CNTLN: variants seen among roughly 807,000 people sequenced by gnomAD.
CNTLN encodes centlein, also known as centlein, centrosomal protein.
CNTLN carries 212 observed loss-of-function variants against 180.0 expected under a neutral mutation model. That is an observed-to-expected ratio of 1.18 (90% CI 1.05 to 1.32). CNTLN has a LOEUF of 1.32. Ranked by LOEUF, CNTLN falls within the 40% of genes most tolerant of loss-of-function variation. CNTLN has a pLI of 0.00. For missense variants in CNTLN, 2,095 were observed against 1,610.9 expected, an observed-to-expected ratio of 1.30 and a Z score of -5.14; for synonymous variants, 722 against 563.1, an observed-to-expected ratio of 1.28 and a Z score of -3.99.
At chr9:17,374,414 TATC>T (rs1824582905) in intron 13 of CNTLN, among the ~76,000 whole-genome samples, 1 of 152,102 alleles carries the variant, frequency 6.6e-6, no homozygotes, top group Non-Finnish European at 1.5e-5. Context: ...TAAAATGAAA[TATC>T]ATCTCATCCC....
At chr9:17,193,143 GAGT>G (rs1233810901) in intron 2 of CNTLN, among the ~76,000 whole-genome samples, 4 of 152,052 alleles carry the variant, frequency 2.6e-5, no homozygotes. Context: ...GGAATTATGG[GAGT>G]ACAATTCAAG....
intron 16 of CNTLN, among the ~76,000 whole-genome samples, chr9:17,413,898 A>T (rs1199284184): frequency 6.6e-6 from 1 of 152,196 alleles, no homozygotes; most frequent in Admixed American, 6.5e-5. Context: ...TTACCAAAAA[A>T]ACTTGTACAT....
chr9:17,444,722 A>G (rs1413401278), intron 18 of CNTLN, among the ~76,000 whole-genome samples: 1 of 152,178 alleles, frequency 6.6e-6, no homozygotes, highest in East Asian at 1.9e-4. Flanking sequence ...AGAGTCAGGT[A>G]TTTATTTGAC....
chr9:17,336,582 C>G (rs1292875010), intron 10 of CNTLN, among the ~76,000 whole-genome samples: 1 of 152,028 alleles, frequency 6.6e-6, no homozygotes, highest in Non-Finnish European at 1.5e-5. Flanking sequence ...CAAATAATAG[C>G]TAGTTGAATT....
chr9:17,252,839 C>T (rs1238376255), intron 5 of CNTLN, among the ~76,000 whole-genome samples: 1 of 151,572 alleles, frequency 6.6e-6, no homozygotes, highest in Non-Finnish European at 1.5e-5. Context: ...AAATCTTTGC[C>T]TAGACCAATG....
At chr9:17,428,303 A>G (rs1829215522) in intron 18 of CNTLN, among the ~76,000 whole-genome samples, 1 of 152,164 alleles carries the variant, frequency 6.6e-6, no homozygotes, top group Non-Finnish European at 1.5e-5. Context: ...TATGATAATA[A>G]TAATAGTGAG....
At chr9:17,421,698 A>G (rs905894276) in intron 18 of CNTLN, among the ~76,000 whole-genome samples, 1 of 151,944 alleles carries the variant, frequency 6.6e-6, no homozygotes, top group African/African-American at 2.4e-5. Context: ...AGTAGTTTTT[A>G]ATTTCATGCT....
At chr9:17,165,710 A>G (rs1399161667) in intron 2 of CNTLN, among the ~76,000 whole-genome samples, 2 of 152,250 alleles carry the variant, frequency 1.3e-5, no homozygotes, top group Non-Finnish European at 2.9e-5. Flanking sequence ...AGGATTAGCT[A>G]TTATGAAAAC....
At chr9:17,203,648 C>T (rs1822706880) in intron 2 of CNTLN, among the ~76,000 whole-genome samples, 3 of 152,162 alleles carry the variant, frequency 2.0e-5, no homozygotes, top group African/African-American at 7.2e-5. Context: ...GCTCCACCTC[C>T]CGTGTTCACG....
chr9:17,202,652 T>TTG (rs1298685901), intron 2 of CNTLN, among the ~76,000 whole-genome samples: 1 of 106,404 alleles, frequency 9.4e-6, no homozygotes, highest in African/African-American at 4.3e-5. Context: ...CTCTGTTTTT[T>TTG]TTTTTTTTTT....
intron 19 of CNTLN, among the ~76,000 whole-genome samples, chr9:17,458,572 A>G (rs1300993874): frequency 6.6e-6 from 1 of 151,946 alleles, no homozygotes; most frequent in African/African-American, 2.4e-5. Context: ...GAATTGTCAA[A>G]TAGACTCATC....
Position 17,166,438 on chromosome 9 carries a change from T to C in CNTLN, c.449+23062T>C, listed in dbSNP as rs116147490. Among the ~76,000 whole-genome samples, 754 of 152,216 alleles carry C rather than the reference T, an allele frequency of 5.0e-3. 7 individuals carry two copies. Among genetic ancestry groups the C allele is most frequent in the African/African-American group, 0.017 (724 of 41,540 alleles). On this transcript the variant is annotated intron_variant, in intron 2 of 25. Coordinates refer to ENST00000380647, the MANE Select transcript of CNTLN (RefSeq NM_017738.4). ...AGCAGAGAACAGAGAAAAATGGACA[T>C]TTTAAAGGAAGTAATTCAAGAAAAT...
intron 2 of CNTLN, among the ~76,000 whole-genome samples, chr9:17,155,528 A>G (rs1170780240): frequency 1.3e-5 from 2 of 152,160 alleles, no homozygotes; most frequent in African/African-American, 4.8e-5. Flanking sequence ...GGCTCTGCCC[A>G]GTTCGAACTT....
chr9:17,355,894 C>G (rs1587752753), intron 12 of CNTLN, among the ~76,000 whole-genome samples: 1 of 32,472 alleles, frequency 3.1e-5, no homozygotes, highest in Admixed American at 3.7e-4. Flanking sequence ...GAAAGCCCGT[C>G]TCTACTAAAA....
intron 7 of CNTLN, chr9:17,300,787 C>G (rs1185550015): frequency 5.9e-6 from 1 of 169,490 alleles, no homozygotes; most frequent in Non-Finnish European, 1.2e-5. Context: ...TCATCTTTGC[C>G]TTCTTTTCTT....
intron 2 of CNTLN, among the ~76,000 whole-genome samples, chr9:17,163,187 T>C (rs1819800753): frequency 6.6e-6 from 1 of 152,128 alleles, no homozygotes; most frequent in Admixed American, 6.5e-5. Context: ...GGGGCTAAGA[T>C]TCCTCCCTGT....
chr9:17,461,454 A>G (rs1003070671), intron 19 of CNTLN, among the ~76,000 whole-genome samples: 5 of 151,686 alleles, frequency 3.3e-5, no homozygotes, highest in African/African-American at 4.8e-5. Context: ...ATAACATTCA[A>G]AAGAGTTACC....
At chr9:17,313,736 A>T (rs1412409016) in intron 8 of CNTLN, among the ~76,000 whole-genome samples, 1 of 152,030 alleles carries the variant, frequency 6.6e-6, no homozygotes, top group African/African-American at 2.4e-5. Flanking sequence ...TCTCCTTTTG[A>T]GATTACCATT....
intron 5 of CNTLN, among the ~76,000 whole-genome samples, chr9:17,272,736 G>A (rs1008891585): frequency 1.8e-4 from 27 of 152,230 alleles, no homozygotes; most frequent in African/African-American, 6.3e-4. Flanking sequence ...GAGCCCTTCT[G>A]TAGTCCCCAG....
Sources: allele counts gnomAD v4.1 joint callset (sites outside exome capture counted in the v4.1 genomes callset), GRCh38; gene constraint gnomAD v4.1.1; transcripts MANE v1.5; gene names NCBI Gene and HGNC (gene_info 2026-07-23, HGNC 2026-07-21).